Variants in F13A1 observed in about 807,000 individuals in gnomAD.
F13A1 encodes the protein FSF, A subunit.
In F13A1, 47 loss-of-function variants were observed where a neutral mutation model predicts 80.1. The ratio of observed to expected loss-of-function variants is 0.59; its 90% confidence interval spans 0.46 to 0.75. The LOEUF (loss-of-function observed/expected upper bound fraction) is 0.75, where lower values mean the gene tolerates loss of function less well. F13A1 is among the 30% of genes least tolerant of loss of function. F13A1 has a pLI of 0.00. For synonymous variants in F13A1, 349 were observed against 344.9 expected, an observed-to-expected ratio of 1.01 and a Z score of -0.13; for missense variants, 817 against 930.4, an observed-to-expected ratio of 0.88 and a Z score of 1.59.
At chr6:6,251,069 A>G (rs1052736204) in intron 4 of F13A1, 140 bp from the exon 5 acceptor site, 6 of 758,628 alleles carry the variant, frequency 7.9e-6, no homozygotes, top group African/African-American at 5.1e-5. Context: ...TTCACCAAGC[A>G]TAGCTCATTT....
rs1757841735 is a variant in F13A1, at chr6:6,266,200, CA to C, written c.571+357del. Among the ~76,000 whole-genome samples the C allele has an allele frequency of 5.3e-5, 8 of 152,112 alleles. No homozygotes were observed. The South Asian group carries it at 1.7e-3, about 32-fold the overall frequency. On this transcript the variant is annotated intron_variant, in intron 4 of 14. Coordinates refer to ENST00000264870, the MANE Select transcript of F13A1 (RefSeq NM_000129.4). ...ATTTAGAATAATCTTACTACCCCTT[CA>C]AAAAGAGATGTATTGGAAATACATG...
rs1182302190 is a variant in F13A1, at chr6:6,250,767, G to T, written c.690+44C>A. 6.2e-6 allele frequency: 8 copies of T among 1,284,384 alleles called. No individual in the cohort carries two copies. The highest frequency in any genetic ancestry group is 7.9e-6 in the Non-Finnish European group (7 of 880,930). The allele number at this position is 1,284,384 out of a possible 1,614,324, so 79.6% of individuals were successfully genotyped here. A position where few individuals can be genotyped will look rare whatever the true frequency, so the allele number is the denominator to read the frequency against. ...TAGGGATACATGTGACAAAAAATAT[G>T]AAGTAAAAATGTCCTTGACAATAAC... On this transcript the variant is annotated intron_variant, in intron 5 of 14. Transcript: ENST00000264870. This position sits in a 1 kb window ranked among gnomAD's most constrained non-coding sequence, Gnocchi z 4.2.
chr6:6,272,605 A>G (rs1275924765), intron 3 of F13A1, among the ~76,000 whole-genome samples: 1 of 152,186 alleles, frequency 6.6e-6, no homozygotes, highest in Non-Finnish European at 1.5e-5. Context: ...CGTTAGGGAA[A>G]CGAACGTAGG....
intron 3 of F13A1, among the ~76,000 whole-genome samples, chr6:6,270,702 C>A (rs1015577889): frequency 5.9e-5 from 9 of 152,084 alleles, no homozygotes; most frequent in African/African-American, 2.2e-4. Flanking sequence ...CCATGTCATG[C>A]TTCCTCTGTG....
chr6:6,300,815 C>T (rs562625201), intron 3 of F13A1, among the ~76,000 whole-genome samples: 5 of 126,742 alleles, frequency 3.9e-5, no homozygotes, highest in African/African-American at 1.3e-4. Flanking sequence ...TATTTATTCT[C>T]GTCTGTTTTT....
intron 12 of F13A1, among the ~76,000 whole-genome samples, chr6:6,171,207 C>G (rs1392311559): frequency 6.6e-6 from 1 of 152,206 alleles, no homozygotes; most frequent in African/African-American, 2.4e-5. Flanking sequence ...AAGGAAGGGA[C>G]CTGGCCCACT....
At chr6:6,211,387 G>A (rs1393700866) in intron 8 of F13A1, among the ~76,000 whole-genome samples, 1 of 152,184 alleles carries the variant, frequency 6.6e-6, no homozygotes, top group African/African-American at 2.4e-5. Flanking sequence ...CAGAAATATG[G>A]TTAACAAGAA....
At chr6:6,225,703 A>G (rs114413893) in intron 6 of F13A1, among the ~76,000 whole-genome samples, 2 of 151,964 alleles carry the variant, frequency 1.3e-5, no homozygotes, top group African/African-American at 2.4e-5. Flanking sequence ...GGGTCTCCCT[A>G]TGTTGCCCAG....
At chr6:6,197,088 C>T (rs1761303759) in intron 9 of F13A1, 135 bp downstream of exon 9, 7 of 755,454 alleles carry the variant, frequency 9.3e-6, no homozygotes, top group Non-Finnish European at 1.6e-5. Flanking sequence ...GTAGCTAATA[C>T]TGTACATGTG....
rs2151066470 is a variant in F13A1, at chr6:6,145,349, GTTACTC to G, written c.*264_*269del. The stretch of plus-strand genomic sequence containing the variant: ...CCATTTGTGATGATAAATGATGACT[GTTACTC>G]TTATGAGCTATGAGAGCTTAATTAA... On this transcript the variant is annotated 3_prime_UTR_variant, in exon 15 of 15. Transcript: ENST00000264870. 1 of 479,898 alleles carries G rather than the reference GTTACTC, an allele frequency of 2.1e-6. No individual in the cohort carries two copies. Among genetic ancestry groups the G allele is most frequent in the African/African-American group, 2.0e-5 (1 of 51,202 alleles). 29.7% of individuals were successfully genotyped at this position (479,898 alleles called of 1,614,324 possible). A position where few individuals can be genotyped will look rare whatever the true frequency, so the allele number is the denominator to read the frequency against.
At position 6,144,240 on chromosome 6, in the gene F13A1, A is replaced by T. The variant is rs1196063275; in HGVS notation, c.*1379T>A. The T allele has an allele frequency of 1.3e-5, 2 of 152,200 alleles. No individual in the cohort carries two copies. The highest frequency in any genetic ancestry group is 4.8e-5 in the African/African-American group (2 of 41,456). 9.4% of individuals were successfully genotyped at this position (152,200 alleles called of 1,614,324 possible). A position where few individuals can be genotyped will look rare whatever the true frequency, so the allele number is the denominator to read the frequency against. On this transcript the variant is annotated 3_prime_UTR_variant, in exon 15 of 15. Transcript: ENST00000264870. ...GCTGTGAGATTACTTAGTAAAGTTA[A>T]GTATGATGTATATATAGAGGGGACC...
chr6:6,169,297 C>T (rs1760730912), intron 12 of F13A1: 1 of 153,056 alleles, frequency 6.5e-6, no homozygotes. Flanking sequence ...TGCTGTTCCT[C>T]CTGCGGTCTG....
At chr6:6,311,860 G>C (rs919488635) in intron 2 of F13A1, among the ~76,000 whole-genome samples, 1 of 140,930 alleles carries the variant, frequency 7.1e-6, no homozygotes, top group African/African-American at 2.6e-5. Context: ...ATATTTGTTT[G>C]TTTTCACTAT....
At chr6:6,301,858 G>A (rs1758437057) in intron 3 of F13A1, among the ~76,000 whole-genome samples, 1 of 152,152 alleles carries the variant, frequency 6.6e-6, no homozygotes, top group Admixed American at 6.5e-5. Flanking sequence ...CTTGGCTCAA[G>A]GCGAGACAAC....
intron 3 of F13A1, among the ~76,000 whole-genome samples, chr6:6,271,075 CAG>C (rs1329156360): frequency 6.6e-6 from 1 of 152,086 alleles, no homozygotes; most frequent in Non-Finnish European, 1.5e-5. Context: ...TTATCAGGGA[CAG>C]GGAGTGGTGA....
chr6:6,256,539 A>G (rs1383370483), intron 4 of F13A1, among the ~76,000 whole-genome samples: 1 of 152,104 alleles, frequency 6.6e-6, no homozygotes. Context: ...CTAACAATTT[A>G]CAAGAGGCAT....
chr6:6,316,931 T>A (rs1212683149), intron 2 of F13A1, among the ~76,000 whole-genome samples: 1 of 152,092 alleles, frequency 6.6e-6, no homozygotes, highest in African/African-American at 2.4e-5. Flanking sequence ...GCTCTCTGCT[T>A]CCCTGCTTCC....
In F13A1 at chr6:6,318,697, A is replaced by AAG. The variant is rs1758725519; in HGVS notation, c.-18-16_-18-15insCT. ...TTTACAAGGTCCTTCAGAAAAAAAA[A>AAG]AAAAAGAAGACAACAGAAAAGGCAT... is the stretch of plus-strand genomic sequence containing the variant. On this transcript the variant is annotated splice_polypyrimidine_tract_variant and intron_variant, in intron 1 of 14. Coordinates refer to ENST00000264870, the MANE Select transcript of F13A1 (RefSeq NM_000129.4). 6.2e-7 allele frequency: 1 copy of AAG among 1,604,156 alleles called. No individual in the cohort carries two copies. The highest frequency in any genetic ancestry group is 1.1e-5 in the South Asian group (1 of 89,688).
Position 6,174,874 on chromosome 6 carries a change from G to A in F13A1, c.1460-7C>T. The A allele has an allele frequency of 6.2e-7, 1 of 1,614,128 alleles. No individual in the cohort carries two copies. Among genetic ancestry groups the A allele is most frequent in the Non-Finnish European group, 8.5e-7 (1 of 1,180,014 alleles). ...AATCTCTCTTCTTCTTGACCTGGGG[G>A]AGATCCAGAGATAATGACAGGCAAA... On this transcript the variant is annotated splice_region_variant and splice_polypyrimidine_tract_variant and intron_variant, in intron 11 of 14. Transcript: ENST00000264870.
Sources: gnomAD v4.1 joint callset for allele counts (sites outside exome capture counted in the v4.1 genomes callset) on GRCh38, gnomAD v4.1.1 for gene constraint, Gnocchi (gnomAD v3.1) non-coding constraint, MANE v1.5 for transcripts, NCBI Gene and HGNC (gene_info 2026-07-23, HGNC 2026-07-21) for gene names.